COMMD10: variants seen among roughly 807,000 people sequenced by gnomAD.
The protein encoded by COMMD10 is COMM domain containing 10, also known as COMM domain-containing protein 10.
COMMD10 carries 33 observed loss-of-function variants against 28.9 expected under a neutral mutation model. That is an observed-to-expected ratio of 1.14 (90% confidence interval 0.87 to 1.53). The LOEUF is 1.53. Among genes scored for constraint, COMMD10 ranks in the 40% most tolerant of loss-of-function variants. COMMD10 has a pLI of 0.00. For synonymous variants in COMMD10, 110 were observed against 81.7 expected, an observed-to-expected ratio of 1.35 and a Z score of -1.87; for missense variants, 310 against 233.4, an observed-to-expected ratio of 1.33 and a Z score of -2.14.
At chr5:116,246,750 TTAAA>T (rs777540248) in intron 5 of COMMD10, among the ~76,000 whole-genome samples, 9 of 152,258 alleles carry the variant, frequency 5.9e-5, no homozygotes, top group Non-Finnish European at 1.3e-4. Context: ...AGGATTCCTA[TTAAA>T]TAAATAGTGT....
intron 4 of COMMD10, among the ~76,000 whole-genome samples, chr5:116,114,197 AG>A (rs1362549735): frequency 6.6e-6 from 1 of 152,028 alleles, no homozygotes; most frequent in African/African-American, 2.4e-5. Flanking sequence ...GTCTATATCT[AG>A]GGCAGTGTGT....
intron 4 of COMMD10, among the ~76,000 whole-genome samples, chr5:116,120,303 G>A (rs910126243): frequency 6.6e-6 from 1 of 152,064 alleles, no homozygotes; most frequent in Non-Finnish European, 1.5e-5. Context: ...AAGCTATGAG[G>A]TTGTGGTGGC....
At chr5:116,089,231 G>A (rs1750219381) in intron 2 of COMMD10, among the ~76,000 whole-genome samples, 1 of 152,122 alleles carries the variant, frequency 6.6e-6, no homozygotes, top group Admixed American at 6.6e-5. Flanking sequence ...AGGTACTGTG[G>A]TCATCTCTGG....
chr5:116,220,060 C>T (rs10054625), intron 5 of COMMD10, among the ~76,000 whole-genome samples: 91,893 of 145,184 alleles, frequency 0.63, 31,326 homozygotes, highest in South Asian at 0.79. Flanking sequence ...GTTATTCTAA[C>T]CTTGAAAGTC....
At chr5:116,197,037 A>G (rs10036641) in intron 5 of COMMD10, among the ~76,000 whole-genome samples, 4,314 of 152,234 alleles carry the variant, frequency 0.028, 185 homozygotes, top group African/African-American at 0.094. Context: ...TTATATCAGA[A>G]GTATATAATC....
intron 5 of COMMD10, among the ~76,000 whole-genome samples, chr5:116,152,513 A>G (rs1356881734): frequency 6.6e-6 from 1 of 152,146 alleles, no homozygotes; most frequent in Non-Finnish European, 1.5e-5. Context: ...GCTTTCAGCT[A>G]TAGGACTCAA....
At chr5:116,203,284 A>G (rs1354287290) in intron 5 of COMMD10, among the ~76,000 whole-genome samples, 2 of 152,152 alleles carry the variant, frequency 1.3e-5, no homozygotes, top group Admixed American at 6.6e-5. Flanking sequence ...TGAAAGTGAC[A>G]GGGAGAATGG....
intron 5 of COMMD10, among the ~76,000 whole-genome samples, chr5:116,213,470 A>G (rs1749020333): frequency 6.6e-6 from 1 of 152,158 alleles, no homozygotes; most frequent in African/African-American, 2.4e-5. Flanking sequence ...CTTAACCTGT[A>G]TAGGGTCTGT....
intron 3 of COMMD10, among the ~76,000 whole-genome samples, 163 bp downstream of exon 3, chr5:116,091,352 G>T (rs1013135833): frequency 1.3e-5 from 2 of 152,002 alleles, no homozygotes; most frequent in African/African-American, 4.8e-5. Context: ...TTTGAATATT[G>T]TAAAGTATTT....
At chr5:116,217,974 C>G in intron 5 of COMMD10, 1 of 839,664 alleles carries the variant, frequency 1.2e-6, no homozygotes, top group Non-Finnish European at 2.0e-6. Context: ...AATAGTATTT[C>G]AAACTGTTCA....
intron 5 of COMMD10, among the ~76,000 whole-genome samples, chr5:116,171,827 A>AG (rs112164029): frequency 0.31 from 47,305 of 151,794 alleles, 10,330 homozygotes; most frequent in African/African-American, 0.63. Flanking sequence ...GGGGCCTGTC[A>AG]CGGGTGTGGG....
intron 5 of COMMD10, chr5:116,255,845 A>G (rs1750269218): frequency 6.6e-6 from 1 of 151,384 alleles, no homozygotes; most frequent in Non-Finnish European, 1.5e-5. Context: ...TTTTATTAAA[A>G]CATTAAGAAA....
At chr5:116,268,944 T>C (rs1750680939) in intron 5 of COMMD10, among the ~76,000 whole-genome samples, 1 of 150,884 alleles carries the variant, frequency 6.6e-6, no homozygotes. Flanking sequence ...CCGGAGCCTG[T>C]TGTGGGGTGG....
chr5:116,140,811 G>A (rs1752173416), intron 5 of COMMD10, among the ~76,000 whole-genome samples: 1 of 151,744 alleles, frequency 6.6e-6, no homozygotes, highest in South Asian at 2.1e-4. Flanking sequence ...AATTGTGTGA[G>A]TTCCTTATAC....
chr5:116,122,932 G>C (rs1411617982), intron 4 of COMMD10, among the ~76,000 whole-genome samples: 1 of 152,098 alleles, frequency 6.6e-6, no homozygotes, highest in Non-Finnish European at 1.5e-5. Context: ...AACGGGGACA[G>C]TTTGACTTCC....
intron 5 of COMMD10, among the ~76,000 whole-genome samples, chr5:116,284,934 G>C (rs1052090536): frequency 4.0e-5 from 6 of 151,890 alleles, no homozygotes; most frequent in African/African-American, 1.5e-4. Context: ...GCTGCAACTG[G>C]TTTGTGTTCA....
intron 5 of COMMD10, among the ~76,000 whole-genome samples, chr5:116,167,433 C>T (rs1479571730): frequency 6.6e-6 from 1 of 152,054 alleles, no homozygotes; most frequent in Admixed American, 6.6e-5. Context: ...AGGATGTTAT[C>T]CAGAAGGACT....
chr5:116,126,116 C>A (rs1414036706), intron 4 of COMMD10, among the ~76,000 whole-genome samples: 1 of 152,044 alleles, frequency 6.6e-6, no homozygotes, highest in Non-Finnish European at 1.5e-5. Context: ...AAATCACAGG[C>A]ATTCCTATAC....
chr5:116,102,290 C>T (rs1396851637), intron 4 of COMMD10, among the ~76,000 whole-genome samples: 1 of 152,164 alleles, frequency 6.6e-6, no homozygotes, highest in Non-Finnish European at 1.5e-5. Context: ...GCAGTTTTCT[C>T]AGCACCATTT....
Sources: allele counts gnomAD v4.1 joint callset (sites outside exome capture counted in the v4.1 genomes callset), GRCh38; gene constraint gnomAD v4.1.1; transcripts MANE v1.5; gene names NCBI Gene and HGNC (gene_info 2026-07-23, HGNC 2026-07-21).